The following LMF1 variants were observed in gnomAD, a reference collection of about 807,000 sequenced individuals.
LMF1 encodes lipase maturation factor 1.
LMF1 carries 68 observed loss-of-function variants against 60.6 expected under a neutral mutation model. The observed-to-expected ratio is 1.12, with a 90% CI of 0.92 to 1.37. LMF1 has a LOEUF of 1.37. Ranked by LOEUF, LMF1 falls within the 40% of genes most tolerant of loss-of-function variation. The pLI, the probability that LMF1 is intolerant of heterozygous loss-of-function variation, is 0.00. For synonymous variants in LMF1, 418 were observed against 324.7 expected, an observed-to-expected ratio of 1.29 and a Z score of -3.09; for missense variants, 948 against 767.2, an observed-to-expected ratio of 1.24 and a Z score of -2.78.
intron 10 of LMF1, among the ~76,000 whole-genome samples, chr16:867,283 C>T (rs1014051330): frequency 1.3e-5 from 2 of 152,218 alleles, no homozygotes; most frequent in African/African-American, 4.8e-5. Flanking sequence ...ATGGATGGAC[C>T]TGAAGCTGCT....
chr16:893,043 G>A lies in LMF1; in HGVS notation c.693C>T (p.Cys231=), dbSNP rs1346940078. The A allele has an allele frequency of 4.5e-6, 7 of 1,552,948 alleles. No individual in the cohort carries two copies. Among genetic ancestry groups the A allele is most frequent in the East Asian group, 2.4e-5 (1 of 41,062 alleles). Reference sequence around the variant, plus strand: ...AGTCCATGCAGGTGAGGTCTCGCCAGCACCGGTCCCCCCGGATCTTGATCA... The same window carrying A: ...AGTCCATGCAGGTGAGGTCTCGCCAACACCGGTCCCCCCGGATCTTGATCA... The part of the protein sequence containing the change: ...AGLIKIRGDR[C]WRDLTCMDFH... Residue 231 remains cysteine, a synonymous_variant, in exon 5 of 11, where the codon TGC becomes TGT. Transcript: ENST00000262301.
rs774917679 is a variant in LMF1 at position 874,131 on chromosome 16, G to A, written c.898-2790C>T. ...GCGGCGGTTGCATCACGCTGTGAAC[G>A]TGCTGGAGGCCCCCGAGTTCACTTC... On this transcript the variant is annotated intron_variant, in intron 6 of 10. Transcript: ENST00000262301. This position sits in a 1 kb window ranked among gnomAD's most constrained non-coding sequence, Gnocchi z 4.1. Among the ~76,000 whole-genome samples the A allele has an allele frequency of 9.2e-5, 14 of 152,170 alleles. No individual in the cohort carries two copies. The highest frequency in any genetic ancestry group is 1.5e-4 in the Non-Finnish European group (10 of 68,034).
At chr16:946,889 C>T (rs1328488045) in intron 2 of LMF1, among the ~76,000 whole-genome samples, 1 of 152,240 alleles carries the variant, frequency 6.6e-6, no homozygotes, top group Non-Finnish European at 1.5e-5. Flanking sequence ...GACCCGATGA[C>T]AGTTGCACCA....
chr16:855,526 T>G, intron 10 of LMF1: 1 of 363,608 alleles, frequency 2.8e-6, no homozygotes, highest in South Asian at 2.0e-5. Flanking sequence ...ATGTCCAGGG[T>G]TGCTCGGCTG....
chr16:889,332 G>A lies in LMF1; in HGVS notation c.729+3675C>T, dbSNP rs895916295. Among the ~76,000 whole-genome samples, 12 of 152,322 alleles carry A rather than the reference G, an allele frequency of 7.9e-5. 1 individual carries two copies. The highest frequency in any genetic ancestry group is 3.4e-3 in the Middle Eastern group (1 of 294). Reference sequence around the variant, plus strand: ...CTTTCGTTACCAGCAGATGAAAAAAGCGGTGAGTGTGGGGTGTGAGGCTGC... The same window carrying A: ...CTTTCGTTACCAGCAGATGAAAAAAACGGTGAGTGTGGGGTGTGAGGCTGC... On this transcript the variant is annotated intron_variant, in intron 5 of 10. Transcript: ENST00000262301.
chr16:862,601 T>C (rs978543957), intron 10 of LMF1, among the ~76,000 whole-genome samples: 1 of 152,102 alleles, frequency 6.6e-6, no homozygotes, highest in Non-Finnish European at 1.5e-5. Flanking sequence ...CTCATGCTTG[T>C]AATCCCAGCA....
chr16:879,229 G>T (rs969510016), intron 6 of LMF1, among the ~76,000 whole-genome samples: 6 of 152,226 alleles, frequency 3.9e-5, no homozygotes, highest in African/African-American at 1.4e-4. Context: ...AATCTTAGGA[G>T]TGGATCCCAG....
chr16:966,297 G>A (rs1042613645), intron 1 of LMF1, among the ~76,000 whole-genome samples: 8 of 152,168 alleles, frequency 5.3e-5, no homozygotes, highest in Admixed American at 1.3e-4. Flanking sequence ...AGCAGGGAGC[G>A]TGTGTCCCAA....
At chr16:948,012 A>G (rs2072289332) in intron 2 of LMF1, among the ~76,000 whole-genome samples, 1 of 152,050 alleles carries the variant, frequency 6.6e-6, no homozygotes, top group Non-Finnish European at 1.5e-5. Flanking sequence ...AGAGTCAGCC[A>G]ACGACAGAGT....
intron 2 of LMF1, among the ~76,000 whole-genome samples, chr16:943,109 C>A (rs995837690): frequency 3.3e-5 from 5 of 152,136 alleles, no homozygotes; most frequent in Non-Finnish European, 7.4e-5. Context: ...CGGTGGCTCA[C>A]GCCTGTAATC....
At chr16:889,339 G>A (rs1407056829) in intron 5 of LMF1, among the ~76,000 whole-genome samples, 1 of 152,150 alleles carries the variant, frequency 6.6e-6, no homozygotes, top group African/African-American at 2.4e-5. Context: ...AAAGCGGTGA[G>A]TGTGGGGTGT....
At chr16:977,815 C>T (rs1000114703) in intron 1 of LMF1, among the ~76,000 whole-genome samples, 11 of 151,898 alleles carry the variant, frequency 7.2e-5, no homozygotes, top group Admixed American at 7.2e-4. Context: ...CTGGGCCCAA[C>T]ACACACCACA....
chr16:939,399 C>T lies in LMF1; in HGVS notation c.504-5145G>A, dbSNP rs993322480. ...ATCCCTGCGCCACAAAGCTGGCCAC[C>T]GAGGTGCCACTTCCAGCAATAAAAA... On this transcript the variant is annotated intron_variant, in intron 2 of 10. Transcript: ENST00000262301. Among the ~76,000 whole-genome samples the T allele has an allele frequency of 6.6e-5, 10 of 152,238 alleles. No individual in the cohort carries two copies. In the South Asian group the frequency reaches 8.3e-4, roughly 13 times the overall value.
chr16:908,766 A>G (rs2071032236), intron 4 of LMF1, among the ~76,000 whole-genome samples: 1 of 152,218 alleles, frequency 6.6e-6, no homozygotes, highest in South Asian at 2.1e-4. Context: ...TAGAGTAAGC[A>G]CCCAAGACTC....
At chr16:921,800 T>G (rs2151767311) in intron 3 of LMF1, among the ~76,000 whole-genome samples, 1 of 152,300 alleles carries the variant, frequency 6.6e-6, no homozygotes, top group South Asian at 2.1e-4. Flanking sequence ...GAACAGAACC[T>G]ACGGCATCCA....
In LMF1 at chr16:868,997, G is replaced by C; in HGVS notation, c.1476C>G (p.Ala492=). 6.2e-7 allele frequency: 1 copy of C among 1,612,568 alleles called. No homozygotes were observed. Among genetic ancestry groups the C allele is most frequent in the Non-Finnish European group, 8.5e-7 (1 of 1,179,760 alleles). Residue 492 remains alanine (A), a synonymous_variant, in exon 10 of 11, where the codon GCC becomes GCG. Coordinates refer to ENST00000262301, the MANE Select transcript of LMF1 (RefSeq NM_022773.4). ...TGTGTGCCAGCAGGGACAAGGCCTCGGCGTCGCTGGCCAGGAGCTTGCCAG... is the reference window on the plus strand; with the variant it reads ...TGTGTGCCAGCAGGGACAAGGCCTCCGCGTCGCTGGCCAGGAGCTTGCCAG... ...HLAGKLLASD[A]EALSLLAHNP... is the part of the protein sequence containing the mutation.
At chr16:975,601 G>A (rs2151504099), upstream of LMF1, among the ~76,000 whole-genome samples, 1 of 152,346 alleles carries the variant, frequency 6.6e-6, no homozygotes, top group East Asian at 1.9e-4. Flanking sequence ...CTTCCTATGA[G>A]CCTCTAGAGC....
At chr16:863,234 C>G (rs920867289) in intron 10 of LMF1, among the ~76,000 whole-genome samples, 1 of 152,152 alleles carries the variant, frequency 6.6e-6, no homozygotes, top group African/African-American at 2.4e-5. Flanking sequence ...GCTGCAGTCT[C>G]GGCTCGAGCA....
At chr16:889,031 T>TC (rs1272508017) in intron 5 of LMF1, among the ~76,000 whole-genome samples, 1 of 152,196 alleles carries the variant, frequency 6.6e-6, no homozygotes, top group Non-Finnish European at 1.5e-5. Flanking sequence ...CGTCCATGCA[T>TC]CCCCGGTGTC....
Sources: gnomAD v4.1 joint callset for allele counts (sites outside exome capture counted in the v4.1 genomes callset) on GRCh38, gnomAD v4.1.1 for gene constraint, Gnocchi (gnomAD v3.1) non-coding constraint, MANE v1.5 for transcripts, NCBI Gene and HGNC (gene_info 2026-07-23, HGNC 2026-07-21) for gene names.